Variants in GRIP1 observed in about 807,000 individuals in gnomAD.
The protein encoded by GRIP1 is glutamate receptor-interacting protein 1.
GRIP1 carries 45 observed loss-of-function variants against 129.9 expected under a neutral mutation model. The ratio of observed to expected loss-of-function variants is 0.35; its 90% CI spans 0.27 to 0.44. The LOEUF (loss-of-function observed/expected upper bound fraction) is 0.44, where lower values mean the gene tolerates loss of function less well. GRIP1 is among the 20% of genes least tolerant of loss of function. GRIP1 has a pLI of 1.00. For missense variants in GRIP1, 1,196 were observed against 1,396.8 expected, an observed-to-expected ratio of 0.86 and a Z score of 2.29; for synonymous variants, 530 against 520.8, an observed-to-expected ratio of 1.02 and a Z score of -0.24.
At chr12:66,846,480 G>C (rs992864235) in intron 1 of GRIP1, among the ~76,000 whole-genome samples, 1 of 152,138 alleles carries the variant, frequency 6.6e-6, no homozygotes, top group African/African-American at 2.4e-5. Flanking sequence ...GTTTCTTGCT[G>C]TCTCATCACT....
intron 13 of GRIP1, among the ~76,000 whole-genome samples, chr12:66,438,473 C>A (rs2058375760): frequency 6.6e-6 from 1 of 151,832 alleles, no homozygotes; most frequent in African/African-American, 2.4e-5. Context: ...CTGCTCTCTA[C>A]CCATTCGTTC....
At chr12:67,028,556 A>G (rs938413261) in intron 1 of GRIP1, among the ~76,000 whole-genome samples, 30 of 152,340 alleles carry the variant, frequency 2.0e-4, no homozygotes, top group Admixed American at 1.6e-3. Context: ...TATAGCTAGC[A>G]TATCCTATAG....
rs535483411 is a variant in GRIP1, at chr12:66,388,785, T to C, written c.2464+3523A>G. Among the ~76,000 whole-genome samples, 3 of 152,228 alleles carry C rather than the reference T, an allele frequency of 2.0e-5. No homozygotes were observed. The South Asian group carries it at 6.2e-4, about 31-fold the overall frequency. The stretch of plus-strand genomic sequence containing the variant: ...ATTTCCCTTTTCACTAACGAAGTGA[T>C]AGGGCCACTGTTTGTTTATTTGTTA... On this transcript the variant is annotated intron_variant, in intron 19 of 24. Coordinates refer to ENST00000359742, the MANE Select transcript of GRIP1 (RefSeq NM_001366722.1).
At chr12:66,791,510 AGT>A (rs1485449866) in intron 1 of GRIP1, among the ~76,000 whole-genome samples, 1 of 152,148 alleles carries the variant, frequency 6.6e-6, no homozygotes, top group Non-Finnish European at 1.5e-5. Flanking sequence ...CAGTAGCAGG[AGT>A]GAAGACCACA....
intron 1 of GRIP1, among the ~76,000 whole-genome samples, chr12:66,846,507 G>A (rs2039817898): frequency 6.6e-6 from 1 of 152,128 alleles, no homozygotes. Flanking sequence ...GTCCAGCATT[G>A]TTTTAATAGG....
intron 1 of GRIP1, among the ~76,000 whole-genome samples, chr12:67,017,942 T>C (rs1286039591): frequency 6.6e-6 from 1 of 152,214 alleles, no homozygotes; most frequent in Non-Finnish European, 1.5e-5. Flanking sequence ...TGCAGAATTC[T>C]GAGAGATAAT....
At chr12:66,665,745 T>C (rs1003288384) in intron 1 of GRIP1, among the ~76,000 whole-genome samples, 2 of 152,150 alleles carry the variant, frequency 1.3e-5, no homozygotes, top group African/African-American at 4.8e-5. Flanking sequence ...CTTGTACAAG[T>C]CTTTTGAGTC....
At chr12:66,923,090 C>T (rs1320032460) in intron 1 of GRIP1, among the ~76,000 whole-genome samples, 1 of 152,132 alleles carries the variant, frequency 6.6e-6, no homozygotes, top group Non-Finnish European at 1.5e-5. Flanking sequence ...GAAAGATGCA[C>T]CTCTATCTTA....
intron 7 of GRIP1, among the ~76,000 whole-genome samples, chr12:66,488,444 A>G (rs1273004547): frequency 6.6e-6 from 1 of 152,208 alleles, no homozygotes; most frequent in East Asian, 1.9e-4. Flanking sequence ...AAGAGACAAT[A>G]TACCAGAATT....
chr12:66,935,751 G>A (rs1437532704), intron 1 of GRIP1, among the ~76,000 whole-genome samples: 3 of 152,092 alleles, frequency 2.0e-5, no homozygotes, highest in Non-Finnish European at 4.4e-5. Flanking sequence ...CGGAAGTGAG[G>A]TACAGAAACA....
chr12:66,751,132 G>GA (rs2037113599), intron 1 of GRIP1, among the ~76,000 whole-genome samples: 1 of 152,168 alleles, frequency 6.6e-6, no homozygotes, highest in Non-Finnish European at 1.5e-5. Flanking sequence ...GCAGCTTGTG[G>GA]AACTCTGCAG....
chr12:66,826,359 G>A (rs908528931), intron 1 of GRIP1, among the ~76,000 whole-genome samples: 3 of 151,968 alleles, frequency 2.0e-5, no homozygotes, highest in Admixed American at 2.0e-4. Flanking sequence ...GTAGATGACG[G>A]GTTGATGGGT....
At chr12:67,048,464 A>T (rs1366735230) in intron 1 of GRIP1, among the ~76,000 whole-genome samples, 1 of 152,080 alleles carries the variant, frequency 6.6e-6, no homozygotes, top group South Asian at 2.1e-4. Flanking sequence ...GCACACACAT[A>T]CATTTTTTTT....
chr12:66,945,570 G>C lies in GRIP1; in HGVS notation c.58+123480C>G, dbSNP rs1260918014. Among the ~76,000 whole-genome samples, 3 of 152,228 alleles carry C rather than the reference G, an allele frequency of 2.0e-5. 1 individual carries two copies. The highest frequency in any genetic ancestry group is 3.9e-4 in the East Asian group (2 of 5,164). ...CAAAAGCAGAAGCAAGAGAGTGGGA[G>C]GGGGTGGGAGGTGCCACATACTTTG... is the stretch of plus-strand genomic sequence containing the variant. On this transcript the variant is annotated intron_variant, in intron 1 of 1. Transcript: ENST00000643019.
chr12:67,046,451 C>T (rs1211435876), intron 1 of GRIP1, among the ~76,000 whole-genome samples: 2 of 152,208 alleles, frequency 1.3e-5, no homozygotes, highest in African/African-American at 4.8e-5. Context: ...GTAACACTGA[C>T]ATGACTGAAT....
intron 1 of GRIP1, among the ~76,000 whole-genome samples, chr12:66,926,622 T>C (rs1182946332): frequency 1.3e-5 from 2 of 152,236 alleles, no homozygotes; most frequent in African/African-American, 4.8e-5. Flanking sequence ...CAAGTTATGC[T>C]ATGTGACTTT....
chr12:66,819,957 T>C (rs1447366356), intron 1 of GRIP1, among the ~76,000 whole-genome samples: 2 of 152,186 alleles, frequency 1.3e-5, no homozygotes, highest in Admixed American at 1.3e-4. Context: ...TTCTGGAGTG[T>C]AGATAAGCCT....
chr12:66,869,631 G>A (rs576076404), intron 1 of GRIP1, among the ~76,000 whole-genome samples: 3 of 152,024 alleles, frequency 2.0e-5, no homozygotes, highest in Non-Finnish European at 4.4e-5. Context: ...AGAGTTGAGT[G>A]AAATGAAAAG....
intron 24 of GRIP1, among the ~76,000 whole-genome samples, chr12:66,351,802 T>A (rs1206861674): frequency 1.3e-5 from 2 of 152,158 alleles, no homozygotes; most frequent in African/African-American, 4.8e-5. Context: ...ATTTGGCTGC[T>A]CACTGGAATC....
Sources: gnomAD v4.1 joint callset for allele counts (sites outside exome capture counted in the v4.1 genomes callset) on GRCh38, gnomAD v4.1.1 for gene constraint, MANE v1.5 for transcripts, NCBI Gene and HGNC (gene_info 2026-07-23, HGNC 2026-07-21) for gene names.